Variants in NID1 observed in about 807,000 individuals in gnomAD.
NID1 encodes the protein nidogen 1, also known as nidogen-1.
In NID1, 76 loss-of-function variants were observed where a neutral mutation model predicts 130.6. That is an observed-to-expected ratio of 0.58 (90% confidence interval 0.48 to 0.70). NID1 has a LOEUF of 0.70. Ranked by LOEUF, NID1 falls within the 30% of genes least tolerant of loss-of-function variation. The pLI, the probability that NID1 is intolerant of heterozygous loss-of-function variation, is 0.00. For synonymous variants in NID1, 665 were observed against 675.1 expected (o/e 0.98, Z 0.23); for missense variants, 1,517 against 1,664.8 (o/e 0.91, Z 1.54).
chr1:236,025,867 T>C, intron 8 of NID1, 29 bp downstream of exon 8: 1 of 1,607,352 alleles, frequency 6.2e-7, no homozygotes, highest in Middle Eastern at 1.7e-4. Flanking sequence ...CATGAGCACC[T>C]GTGCCCAGCA....
intron 1 of NID1, among the ~76,000 whole-genome samples, chr1:236,063,639 C>CTGCCCAGCA (rs1660107662): frequency 6.6e-6 from 1 of 151,456 alleles, no homozygotes; most frequent in Non-Finnish European, 1.5e-5. Context: ...AAACTTTATA[C>CTGCCCAGCA]TGCCCAGCAT....
chr1:235,977,199 T>A lies in NID1; in HGVS notation c.*668A>T, dbSNP rs1657282287. 1 of 152,184 alleles carries A rather than the reference T, an allele frequency of 6.6e-6. No individual in the cohort carries two copies. The highest frequency in any genetic ancestry group is 2.4e-5 in the African/African-American group (1 of 41,432). 9.4% of individuals were successfully genotyped at this position (152,184 alleles called of 1,614,324 possible). On this transcript the variant is annotated 3_prime_UTR_variant, in exon 20 of 20. Transcript: ENST00000264187. ...CTACTGCTCAAATATTGACATTCTA[T>A]CTGGGAGGGGCTGCTCATTATCATC... is the stretch of plus-strand genomic sequence containing the variant.
intron 2 of NID1, among the ~76,000 whole-genome samples, chr1:236,046,393 C>T (rs578203098): frequency 2.6e-5 from 4 of 151,982 alleles, no homozygotes; most frequent in South Asian, 2.1e-4. Flanking sequence ...ATTCTGTAAT[C>T]GAAACATTTG....
chr1:236,038,245 A>T lies in NID1; in HGVS notation c.1144T>A (p.Tyr382Asn). The change falls in exon 5 of 20, where the codon TAT becomes AAT. Residue 382 changes from tyrosine to asparagine, a missense_variant. By Grantham distance (143) the Tyr-to-Asn change is moderately radical. Transcript: ENST00000264187. Reference protein sequence around the residue: ...EVEETGVVFSYNTDSRQTCAN... With the variant: ...EVEETGVVFSNNTDSRQTCAN... ...CACGTCTGGCGGGAATCCGTGTTATAGCTGAAAACTGGTCCAAGAAAACAA... is the reference window on the plus strand; with the variant it reads ...CACGTCTGGCGGGAATCCGTGTTATTGCTGAAAACTGGTCCAAGAAAACAA... The T allele has an allele frequency of 6.2e-7, 1 of 1,612,360 alleles. No individual in the cohort carries two copies. Among genetic ancestry groups the T allele is most frequent in the Non-Finnish European group, 8.5e-7 (1 of 1,178,740 alleles).
At chr1:235,994,922 C>T (rs1487455191) in intron 12 of NID1, among the ~76,000 whole-genome samples, 1 of 152,200 alleles carries the variant, frequency 6.6e-6, no homozygotes, top group Admixed American at 6.5e-5. Context: ...GCATCTCAAG[C>T]TTCTTGATAA....
intron 14 of NID1, among the ~76,000 whole-genome samples, chr1:235,989,502 T>C (rs1219096393): frequency 6.6e-6 from 1 of 152,232 alleles, no homozygotes; most frequent in Non-Finnish European, 1.5e-5. Flanking sequence ...GCTTCCTATA[T>C]GCCAAGCAGT....
chr1:236,009,287 G>C (rs12086406), intron 12 of NID1, among the ~76,000 whole-genome samples: 1 of 152,130 alleles, frequency 6.6e-6, no homozygotes, highest in Non-Finnish European at 1.5e-5. Flanking sequence ...ATGTCTGGCC[G>C]TCTGTGAACT....
intron 7 of NID1, among the ~76,000 whole-genome samples, chr1:236,027,776 C>G (rs907193826): frequency 1.3e-5 from 2 of 151,902 alleles, no homozygotes; most frequent in African/African-American, 4.8e-5. Context: ...TTGCAGTGAG[C>G]TGAGATCACA....
intron 10 of NID1, among the ~76,000 whole-genome samples, chr1:236,014,709 C>A (rs1418756977): frequency 6.6e-6 from 1 of 152,156 alleles, no homozygotes. Flanking sequence ...GTTCTTCCCT[C>A]AAGAGAAGAG....
intron 7 of NID1, among the ~76,000 whole-genome samples, chr1:236,028,503 G>T (rs1020645293): frequency 6.6e-6 from 1 of 151,900 alleles, no homozygotes; most frequent in Non-Finnish European, 1.5e-5. Flanking sequence ...GTGAGGGCTC[G>T]TCTCAAAACA....
At chr1:236,015,645 C>A (rs1383987267) in intron 10 of NID1, among the ~76,000 whole-genome samples, 79 of 45,846 alleles carry the variant, frequency 1.7e-3, no homozygotes, top group African/African-American at 9.3e-3. Context: ...AAAACCCTGT[C>A]TCAAAAAAAA....
Position 235,985,396 on chromosome 1 carries a change from G to T in NID1, c.3038C>A (p.Thr1013Asn), listed in dbSNP as rs748169093. The T allele has an allele frequency of 6.8e-6, 11 of 1,613,986 alleles. No individual in the cohort carries two copies. Among genetic ancestry groups the T allele is most frequent in the Non-Finnish European group, 7.6e-6 (9 of 1,179,984 alleles). Residue 1013 changes from threonine to asparagine, a missense_variant, in exon 15 of 20, where the codon ACC (threonine) becomes AAC (asparagine). By Grantham distance (65) the Thr-to-Asn change is moderately conservative. Coordinates refer to ENST00000264187, the MANE Select transcript of NID1 (RefSeq NM_002508.3). ...TTACTTACCTTGTCTAATGATGGTGGTTGGCTCTCCACCATGTAGACTAGC... is the reference window on the plus strand; with the variant it reads ...TTACTTACCTTGTCTAATGATGGTGTTTGGCTCTCCACCATGTAGACTAGC... Reference protein sequence around the residue: ...GRASLHGGEPTTIIRQDLGSP... With the variant: ...GRASLHGGEPNTIIRQDLGSP...
chr1:235,979,239 A>G lies in NID1; in HGVS notation c.3510-132T>C. The G allele has an allele frequency of 3.1e-6, 2 of 651,226 alleles. No individual in the cohort carries two copies. The highest frequency in any genetic ancestry group is 2.8e-6 in the Non-Finnish European group (1 of 363,280). 40.3% of individuals were successfully genotyped at this position (651,226 alleles called of 1,614,324 possible). On this transcript the variant is annotated intron_variant, in intron 18 of 19. Transcript: ENST00000264187. This position sits in a 1 kb window ranked among gnomAD's most constrained non-coding sequence, Gnocchi z 4.6. Reference sequence around the variant, plus strand: ...ACAGACATGATGGCCTTCTTCCTAGACATCCCTTCCTTCCCCTGGGGTGGG... The same window carrying G: ...ACAGACATGATGGCCTTCTTCCTAGGCATCCCTTCCTTCCCCTGGGGTGGG...
At chr1:235,992,858 T>A (rs565268247) in intron 13 of NID1, among the ~76,000 whole-genome samples, 2 of 152,342 alleles carry the variant, frequency 1.3e-5, no homozygotes, top group Admixed American at 6.5e-5. Context: ...ATTCAAAGAT[T>A]CATTATATTC....
chr1:236,009,146 G>T lies in NID1; in HGVS notation c.2527+2775C>A, dbSNP rs192689763. ...CCTAACTCCCAAGGTGATGGCATTGGGGGTGAGGCCACCAGCAGGTGACTA... is the reference window on the plus strand; with the variant it reads ...CCTAACTCCCAAGGTGATGGCATTGTGGGTGAGGCCACCAGCAGGTGACTA... On this transcript the variant is annotated intron_variant, in intron 12 of 19. Coordinates refer to ENST00000264187, the MANE Select transcript of NID1 (RefSeq NM_002508.3). Among the ~76,000 whole-genome samples, 110 of 152,284 alleles carry T rather than the reference G, an allele frequency of 7.2e-4. 3 individuals are homozygous for T. Among genetic ancestry groups the T allele is most frequent in the Admixed American group, 5.9e-3 (90 of 15,302 alleles).
At chr1:235,980,432 A>C in intron 17 of NID1, 64 bp downstream of exon 17, 2 of 1,559,408 alleles carry the variant, frequency 1.3e-6, no homozygotes, top group South Asian at 2.3e-5. Context: ...CCAGGGCCCT[A>C]GTTTGCCCAC....
At chr1:236,013,664 C>A in intron 10 of NID1, 104 bp from the exon 11 acceptor site, 1 of 1,320,434 alleles carries the variant, frequency 7.6e-7, no homozygotes, top group Non-Finnish European at 1.1e-6. Flanking sequence ...GGACCCTAGA[C>A]CTCTAGGCAT....
rs1572572339 is a variant in NID1, at chr1:235,977,699, G to C, written c.*168C>G. The C allele has an allele frequency of 1.5e-6, 1 of 673,040 alleles. No individual in the cohort carries two copies. The highest frequency in any genetic ancestry group is 2.5e-6 in the Non-Finnish European group (1 of 396,108). 41.7% of individuals were successfully genotyped at this position (673,040 alleles called of 1,614,324 possible). On this transcript the variant is annotated 3_prime_UTR_variant, in exon 20 of 20. Coordinates refer to ENST00000264187, the MANE Select transcript of NID1 (RefSeq NM_002508.3). ...GAGACTTTTCTATTAGAGAAGTCCA[G>C]GGTGCATGTTTTGGGGAACAGTGAG...
chr1:236,004,761 C>CAAAAAA (rs61480988), intron 12 of NID1, among the ~76,000 whole-genome samples: 25 of 67,292 alleles, frequency 3.7e-4, no homozygotes, highest in Non-Finnish European at 4.7e-4. Flanking sequence ...GACTCTGTCT[C>CAAAAAA]AAAAAAAAAA....
Sources: allele counts gnomAD v4.1 joint callset (sites outside exome capture counted in the v4.1 genomes callset), GRCh38; gene constraint gnomAD v4.1.1; non-coding constraint Gnocchi (gnomAD v3.1); transcripts MANE v1.5; gene names NCBI Gene and HGNC (gene_info 2026-07-23, HGNC 2026-07-21).